The following ARVCF variants were observed in gnomAD, a reference collection of about 807,000 sequenced individuals.
ARVCF encodes the protein splicing regulator ARVCF.
ARVCF carries 66 observed loss-of-function variants against 90.9 expected under a neutral mutation model. The observed-to-expected ratio is 0.73, with a 90% confidence interval of 0.60 to 0.89. The LOEUF is 0.89. ARVCF is among the 40% of genes least tolerant of loss of function. The pLI is 0.00. For missense variants in ARVCF, 1,469 were observed against 1,382.3 expected, an observed-to-expected ratio of 1.06 and a Z score of -1.00; for synonymous variants, 653 against 603.4, an observed-to-expected ratio of 1.08 and a Z score of -1.21.
chr22:20,007,889 A>G (rs1300860831), intron 2 of ARVCF, among the ~76,000 whole-genome samples: 2 of 152,272 alleles, frequency 1.3e-5, no homozygotes, highest in South Asian at 4.1e-4. Flanking sequence ...GGACTAAGAC[A>G]GACAGATTAA....
intron 3 of ARVCF, among the ~76,000 whole-genome samples, chr22:19,984,995 A>C (rs1227353776): frequency 6.6e-6 from 1 of 152,136 alleles, no homozygotes; most frequent in African/African-American, 2.4e-5. Context: ...AGTTGGCTGC[A>C]GTCCCTGGAT....
intron 18 of ARVCF, 51 bp downstream of exon 18, chr22:19,971,835 C>G: frequency 1.9e-6 from 3 of 1,598,972 alleles, no homozygotes; most frequent in East Asian, 2.2e-5. Flanking sequence ...CCAGCAACCC[C>G]TAGACACGGG....
chr22:19,973,192 C>A lies in ARVCF; in HGVS notation c.2365G>T (p.Asp789Tyr). 6.2e-7 allele frequency: 1 copy of A among 1,610,984 alleles called. No homozygotes were observed. Among genetic ancestry groups the A allele is most frequent in the Non-Finnish European group, 8.5e-7 (1 of 1,179,288 alleles). Residue 789 changes from aspartate (D) to tyrosine (Y), a missense_variant, in exon 14 of 20, where the codon GAC becomes TAC. Transcript: ENST00000263207. The stretch of plus-strand genomic sequence containing the variant: ...AGCGAGCGCGCGTTATCCAGGCTGT[C>A]GGACACGATTTCGTGGATGGTGTTG... ...VLNTIHEIVS[D>Y]SLDNARSLLQ...
At chr22:19,977,749 T>C (rs915323182) in intron 8 of ARVCF, among the ~76,000 whole-genome samples, 163 bp from the exon 9 acceptor site, 55 of 152,174 alleles carry the variant, frequency 3.6e-4, no homozygotes, top group African/African-American at 1.3e-3. Context: ...GAAGGGTCCA[T>C]GGGAGGAAGC....
chr22:19,990,317 C>T (rs12485043), intron 3 of ARVCF, among the ~76,000 whole-genome samples: 21,847 of 152,190 alleles, frequency 0.14, 1,703 homozygotes, highest in Middle Eastern at 0.2. Flanking sequence ...CTGCCCAGAA[C>T]AGACCCCATC....
At chr22:19,994,049 G>C (rs939988054) in intron 2 of ARVCF, among the ~76,000 whole-genome samples, 1 of 152,164 alleles carries the variant, frequency 6.6e-6, no homozygotes, top group Non-Finnish European at 1.5e-5. Flanking sequence ...TGGAAGACTA[G>C]AGGGAGGGCA....
chr22:20,013,891 G>A (rs1293610377), intron 1 of ARVCF, among the ~76,000 whole-genome samples: 1 of 150,742 alleles, frequency 6.6e-6, no homozygotes, highest in African/African-American at 2.4e-5. Flanking sequence ...TTCTTTTTTT[G>A]AGACGGAGTC....
intron 1 of ARVCF, among the ~76,000 whole-genome samples, chr22:20,016,243 C>T (rs1359905767): frequency 3.9e-5 from 6 of 152,336 alleles, no homozygotes; most frequent in Non-Finnish European, 7.4e-5. Flanking sequence ...CGCCAAGCGT[C>T]GCGCGGGGCG....
chr22:19,981,176 G>A, intron 5 of ARVCF, 35 bp downstream of exon 5: 1 of 1,485,320 alleles, frequency 6.7e-7, no homozygotes, highest in Non-Finnish European at 9.0e-7. Flanking sequence ...AGACTTCCCA[G>A]AGGAGGTAGC....
At chr22:20,014,967 TG>T (rs1280177674) in intron 1 of ARVCF, among the ~76,000 whole-genome samples, 2 of 152,052 alleles carry the variant, frequency 1.3e-5, no homozygotes, top group East Asian at 1.9e-4. Flanking sequence ...GCCCCGGGAC[TG>T]GGGGGAGACT....
At chr22:20,010,945 C>T (rs1055117633) in intron 1 of ARVCF, among the ~76,000 whole-genome samples, 1 of 152,256 alleles carries the variant, frequency 6.6e-6, no homozygotes, top group African/African-American at 2.4e-5. Context: ...GGCGAGGCCA[C>T]GTGCCTCTCC....
chr22:20,013,142 C>T (rs1446972204), intron 1 of ARVCF, among the ~76,000 whole-genome samples: 2 of 152,262 alleles, frequency 1.3e-5, no homozygotes, highest in East Asian at 3.8e-4. Flanking sequence ...CAGGGAAGGT[C>T]CATGCTGCTC....
At chr22:19,982,203 T>G in intron 3 of ARVCF, 112 bp from the exon 4 acceptor site, 1 of 1,434,862 alleles carries the variant, frequency 7.0e-7, no homozygotes, top group South Asian at 1.3e-5. Flanking sequence ...CACACCAGGG[T>G]GCCTTCCTCC....
chr22:19,971,120 C>T (rs1942742292), intron 19 of ARVCF, 96 bp downstream of exon 19: 7 of 1,540,146 alleles, frequency 4.5e-6, no homozygotes, highest in South Asian at 3.6e-5. Flanking sequence ...GGGGAACGTG[C>T]GGGAAGAGCA....
Position 19,972,761 on chromosome 22 carries a change from G to C in ARVCF, c.2617C>G (p.Leu873Val), listed in dbSNP as rs2146235597. The C allele has an allele frequency of 6.2e-7, 1 of 1,612,820 alleles. No homozygotes were observed. Among genetic ancestry groups the C allele is most frequent in the Non-Finnish European group, 8.5e-7 (1 of 1,179,384 alleles). ...CCAAGGCTCTTGTCCACCAGTGGCAGCGTGCTGTCATCGAAGCCCCCAGGA... is the reference window on the plus strand; with the variant it reads ...CCAAGGCTCTTGTCCACCAGTGGCACCGTGCTGTCATCGAAGCCCCCAGGA... ...LSPGGFDDSTLPLVDKSLEGE... is the reference protein window; with the variant it reads ...LSPGGFDDSTVPLVDKSLEGE... The change falls in exon 16 of 20, where the codon CTG (leucine) becomes GTG (valine). Residue 873 changes from leucine (L) to valine (V), a missense_variant. Transcript: ENST00000263207.
chr22:20,000,145 C>G (rs1944393834), intron 2 of ARVCF, among the ~76,000 whole-genome samples: 1 of 152,208 alleles, frequency 6.6e-6, no homozygotes, highest in African/African-American at 2.4e-5. Flanking sequence ...AGATCTTGAC[C>G]CAGCATGAAG....
rs935176449 is a variant in ARVCF at position 19,970,445 on chromosome 22, C to T, written c.*311G>A. 4.2e-5 allele frequency: 46 copies of T among 1,088,574 alleles called. No individual in the cohort carries two copies. Among genetic ancestry groups the T allele is most frequent in the Non-Finnish European group, 5.1e-5 (45 of 886,038 alleles). The allele number at this position is 1,088,574 out of a possible 1,614,324, so 67.4% of individuals were successfully genotyped here. ...ACCAGCCCCAAAGCCCAGCCAGGCA[C>T]CCTTCCCTGCCACCTCCCTGGGCCC... On this transcript the variant is annotated 3_prime_UTR_variant, in exon 20 of 20. Coordinates refer to ENST00000263207, the MANE Select transcript of ARVCF (RefSeq NM_001670.3).
At chr22:19,983,850 G>A (rs1426052613) in intron 3 of ARVCF, 2 of 152,368 alleles carry the variant, frequency 1.3e-5, no homozygotes. Flanking sequence ...GAGGCCTAGA[G>A]TGGGGACAAC....
At chr22:19,967,015 G>A, downstream of ARVCF, 3 of 1,199,018 alleles carry the variant, frequency 2.5e-6, no homozygotes, top group Non-Finnish European at 3.2e-6. Flanking sequence ...CTGGTAGGAG[G>A]CTTGCAGTGT....
Sources: gnomAD v4.1 joint callset for allele counts (sites outside exome capture counted in the v4.1 genomes callset) on GRCh38, gnomAD v4.1.1 for gene constraint, MANE v1.5 for transcripts, NCBI Gene and HGNC (gene_info 2026-07-23, HGNC 2026-07-21) for gene names.